Variants in WNT3 observed in about 807,000 individuals in gnomAD.
WNT3 encodes the protein proto-oncogene Wnt-3.
A neutral mutation model predicts 34.2 loss-of-function variants in WNT3; 7 were observed. The ratio of observed to expected loss-of-function variants is 0.20; its 90% CI spans 0.12 to 0.38. WNT3 has a LOEUF of 0.38. Among genes scored for constraint, WNT3 ranks in the 10% least tolerant of loss-of-function variants. The pLI, the probability that WNT3 is intolerant of heterozygous loss-of-function variation, is 1.00. For missense variants in WNT3, 267 were observed against 499.8 expected (o/e 0.53, Z 4.44); for synonymous variants, 212 against 211.5 (o/e 1.00, Z -0.02).
At chr17:46,797,169 C>T (rs995756091) in intron 1 of WNT3, among the ~76,000 whole-genome samples, 9 of 152,200 alleles carry the variant, frequency 5.9e-5, no homozygotes, top group Non-Finnish European at 1.2e-4. Context: ...CTCCAAGTTG[C>T]CTGTGGCGAT....
intron 1 of WNT3, among the ~76,000 whole-genome samples, chr17:46,791,922 C>G (rs2083992652): frequency 6.6e-6 from 1 of 152,152 alleles, no homozygotes; most frequent in Non-Finnish European, 1.5e-5. Context: ...CACTTGTAGT[C>G]CCAGCTACTG....
At chr17:46,766,137 G>A (rs915973749) in intron 4 of WNT3, among the ~76,000 whole-genome samples, 5 of 152,214 alleles carry the variant, frequency 3.3e-5, no homozygotes, top group Admixed American at 1.3e-4. Flanking sequence ...GGCCGGGCGC[G>A]GTGGCTCACG....
At chr17:46,787,029 C>T (rs1426621005) in intron 1 of WNT3, among the ~76,000 whole-genome samples, 1 of 151,776 alleles carries the variant, frequency 6.6e-6, no homozygotes, top group African/African-American at 2.4e-5. Context: ...CCTTGAACTA[C>T]TTGGCTCAAC....
intron 1 of WNT3, among the ~76,000 whole-genome samples, chr17:46,818,118 C>T (rs1388920063): frequency 6.6e-6 from 1 of 151,892 alleles, no homozygotes; most frequent in Non-Finnish European, 1.5e-5. Flanking sequence ...GATGGTTTTG[C>T]CCATGAAGAC....
intron 1 of WNT3, among the ~76,000 whole-genome samples, chr17:46,813,089 A>G (rs1001095564): frequency 3.3e-5 from 5 of 152,058 alleles, no homozygotes; most frequent in Non-Finnish European, 7.4e-5. Flanking sequence ...TTGGCTTGGC[A>G]GGAGTGGGGC....
chr17:46,789,799 G>A (rs1568085817), intron 1 of WNT3, among the ~76,000 whole-genome samples: 1 of 152,230 alleles, frequency 6.6e-6, no homozygotes, highest in African/African-American at 2.4e-5. Context: ...CCTAAAGCCA[G>A]CAGTGGCAGA....
At chr17:46,811,594 C>T (rs1402313657) in intron 1 of WNT3, among the ~76,000 whole-genome samples, 1 of 152,134 alleles carries the variant, frequency 6.6e-6, no homozygotes, top group Non-Finnish European at 1.5e-5. Context: ...AACCTGCAGG[C>T]AGGCCCTCCC....
intron 2 of WNT3, among the ~76,000 whole-genome samples, chr17:46,773,159 T>C (rs2059388215): frequency 2.0e-5 from 3 of 152,068 alleles, no homozygotes. Flanking sequence ...GTGCACCCTC[T>C]AGCCCCACCA....
At chr17:46,807,710 G>A (rs1415729138) in intron 1 of WNT3, among the ~76,000 whole-genome samples, 3 of 152,192 alleles carry the variant, frequency 2.0e-5, no homozygotes, top group Non-Finnish European at 4.4e-5. Flanking sequence ...CAGGTACAAA[G>A]ACTCCAACAT....
At chr17:46,817,850 T>A (rs980736851) in intron 1 of WNT3, among the ~76,000 whole-genome samples, 3 of 152,088 alleles carry the variant, frequency 2.0e-5, no homozygotes, top group African/African-American at 7.2e-5. Flanking sequence ...ACCCCCCTTT[T>A]GCCAGGGTGG....
chr17:46,817,935 CAAG>C (rs1346362501), intron 1 of WNT3, among the ~76,000 whole-genome samples: 1 of 152,064 alleles, frequency 6.6e-6, no homozygotes, highest in Non-Finnish European at 1.5e-5. Context: ...TTCAGAGGCT[CAAG>C]ATGAATCTAG....
At chr17:46,804,141 G>A (rs2084161919) in intron 1 of WNT3, among the ~76,000 whole-genome samples, 1 of 152,026 alleles carries the variant, frequency 6.6e-6, no homozygotes, top group South Asian at 2.1e-4. Flanking sequence ...AGGCTGGAGT[G>A]CAGTGGTGTG....
chr17:46,779,053 T>TCACACACACACACACACACACACACA lies in WNT3; in HGVS notation c.81-5170_81-5145dup, dbSNP rs56965619. Reference sequence around the variant, plus strand: ...CAGTTATTCCCCGGTCCCTACCCCATCACACACACACACACACACACACAC... The same window carrying TCACACACACACACACACACACACACA: ...CAGTTATTCCCCGGTCCCTACCCCATCACACACACACACACACACACACACACACACACACACACACACACACACAC... On this transcript the variant is annotated intron_variant, in intron 1 of 4. Coordinates refer to ENST00000225512, the MANE Select transcript of WNT3 (RefSeq NM_030753.5). Among the ~76,000 whole-genome samples the TCACACACACACACACACACACACACA allele has an allele frequency of 1.0e-3, 105 of 100,664 alleles. 1 individual carries two copies. Among genetic ancestry groups the TCACACACACACACACACACACACACA allele is most frequent in the Admixed American group, 2.9e-3 (24 of 8,394 alleles). 66.0% of individuals were successfully genotyped at this position (100,664 alleles called of 152,430 possible).
intron 2 of WNT3, among the ~76,000 whole-genome samples, chr17:46,770,702 A>G (rs527540268): frequency 2.0e-5 from 3 of 151,480 alleles, no homozygotes; most frequent in Non-Finnish European, 4.4e-5. Context: ...GGCACGGCCA[A>G]CTCCCTCCCA....
chr17:46,807,616 T>G (rs2084214609), intron 1 of WNT3, among the ~76,000 whole-genome samples: 1 of 152,260 alleles, frequency 6.6e-6, no homozygotes, highest in Admixed American at 6.5e-5. Context: ...GTGCCTTGCT[T>G]CTTTCCAGAA....
At position 46,769,723 on chromosome 17, in the gene WNT3, C is replaced by A; in HGVS notation, c.588+60G>T. The A allele has an allele frequency of 1.9e-6, 3 of 1,595,666 alleles. No individual in the cohort carries two copies. In the South Asian group the frequency reaches 3.3e-5, roughly 18 times the overall value. ...AGGGGTGAGGTGGGGGCCAGGGCAG[C>A]TCCGGAGGGGAAGCGGGGGGCTGCT... On this transcript the variant is annotated intron_variant, in intron 3 of 4. Coordinates refer to ENST00000225512, the MANE Select transcript of WNT3 (RefSeq NM_030753.5).
At chr17:46,813,719 A>G (rs1568098998) in intron 1 of WNT3, among the ~76,000 whole-genome samples, 9 of 152,162 alleles carry the variant, frequency 5.9e-5, no homozygotes, top group Non-Finnish European at 1.5e-5. Context: ...TTCCTGTGCC[A>G]TCCCCTGGCT....
intron 1 of WNT3, among the ~76,000 whole-genome samples, chr17:46,786,987 C>A (rs1380491750): frequency 2.0e-5 from 3 of 151,220 alleles, no homozygotes; most frequent in African/African-American, 7.3e-5. Context: ...ACACAGGCTG[C>A]AGTGCAGTGG....
At chr17:46,808,969 G>A (rs886371763) in intron 1 of WNT3, among the ~76,000 whole-genome samples, 1 of 152,138 alleles carries the variant, frequency 6.6e-6, no homozygotes, top group Non-Finnish European at 1.5e-5. Context: ...GAGCCAAGTG[G>A]GGTCCGAGCT....
Sources: gnomAD v4.1 joint callset for allele counts (sites outside exome capture counted in the v4.1 genomes callset) on GRCh38, gnomAD v4.1.1 for gene constraint, MANE v1.5 for transcripts, NCBI Gene and HGNC (gene_info 2026-07-23, HGNC 2026-07-21) for gene names.